ENOX1: variants seen among roughly 807,000 people sequenced by gnomAD.
ENOX1 encodes the protein candidate growth-related and time keeping constitutive hydroquinone (NADH) oxidase.
Under a neutral mutation model 82.5 loss-of-function variants are expected in ENOX1, and 42 were observed. That is an observed-to-expected ratio of 0.51 (90% confidence interval 0.40 to 0.66). The LOEUF is 0.66. Ranked by LOEUF, ENOX1 falls within the 30% of genes least tolerant of loss-of-function variation. The probability of loss-of-function intolerance (pLI) is 0.00; values close to 1 mark genes in which losing one functional copy is unlikely to be tolerated. For missense variants in ENOX1, 608 were observed against 811.6 expected (o/e 0.75, Z 3.05); for synonymous variants, 271 against 282.2 (o/e 0.96, Z 0.40).
intron 1 of ENOX1, among the ~76,000 whole-genome samples, chr13:43,731,373 A>G (rs2089332520): frequency 6.6e-6 from 1 of 152,212 alleles, no homozygotes; most frequent in Admixed American, 6.5e-5. Context: ...TTCCATGGGA[A>G]GAGCTTTGTA....
chr13:43,464,720 G>A (rs2057644203), intron 3 of ENOX1, among the ~76,000 whole-genome samples: 1 of 152,144 alleles, frequency 6.6e-6, no homozygotes, highest in African/African-American at 2.4e-5. Flanking sequence ...TGACAACTAA[G>A]AAGCCAACAT....
chr13:43,578,513 T>C (rs1464384804), intron 2 of ENOX1, among the ~76,000 whole-genome samples: 1 of 152,190 alleles, frequency 6.6e-6, no homozygotes, highest in African/African-American at 2.4e-5. Flanking sequence ...ATACTTAATA[T>C]AATGAAATTT....
intron 2 of ENOX1, among the ~76,000 whole-genome samples, chr13:43,652,347 C>CA (rs2084232773): frequency 6.6e-6 from 1 of 152,286 alleles, no homozygotes; most frequent in South Asian, 2.1e-4. Flanking sequence ...AGTTTTGAGT[C>CA]AATGTCCACA....
Position 43,356,062 on chromosome 13 carries a change from T to A in ENOX1, c.680A>T (p.Glu227Val), listed in dbSNP as rs2050135585. Reference protein sequence around the residue: ...DFAQARDDFYEWECKQRMRAR... With the variant: ...DFAQARDDFYVWECKQRMRAR... ...ACGCATCCTCTGCTTGCATTCCCAC[T>A]CATAGAAGTCATCCCTGGCCTGGGC... Residue 227 changes from glutamate (E) to valine (V), a missense_variant, in exon 8 of 17, where the codon GAG becomes GTG. Transcript: ENST00000690772. 1 of 1,614,128 alleles carries A rather than the reference T, an allele frequency of 6.2e-7. No individual in the cohort carries two copies. The highest frequency in any genetic ancestry group is 8.5e-7 in the Non-Finnish European group (1 of 1,180,014).
intron 2 of ENOX1, among the ~76,000 whole-genome samples, chr13:43,501,210 G>A (rs2076969286): frequency 6.6e-6 from 1 of 151,534 alleles, no homozygotes; most frequent in Non-Finnish European, 1.5e-5. Context: ...ATAAAGCAGG[G>A]GTAGCTATTT....
intron 3 of ENOX1, among the ~76,000 whole-genome samples, chr13:43,464,022 C>T (rs1053307732): frequency 2.6e-5 from 4 of 152,126 alleles, no homozygotes; most frequent in African/African-American, 7.2e-5. Flanking sequence ...TACAGGCACA[C>T]ACACAGGCAA....
chr13:43,463,027 A>G (rs1593323848), intron 3 of ENOX1, among the ~76,000 whole-genome samples: 1 of 152,340 alleles, frequency 6.6e-6, no homozygotes, highest in East Asian at 1.9e-4. Flanking sequence ...AAAGAAGAAA[A>G]TTATTCAGGT....
At chr13:43,425,920 C>T (rs555274811) in intron 3 of ENOX1, among the ~76,000 whole-genome samples, 5 of 152,124 alleles carry the variant, frequency 3.3e-5, no homozygotes, top group Non-Finnish European at 7.4e-5. Flanking sequence ...AAATAACTTG[C>T]AGGCAAATAA....
At chr13:43,661,267 A>G (rs947449225) in intron 2 of ENOX1, among the ~76,000 whole-genome samples, 1 of 152,204 alleles carries the variant, frequency 6.6e-6, no homozygotes, top group African/African-American at 2.4e-5. Flanking sequence ...ACTGACTTTA[A>G]TTGGATGGAT....
intron 2 of ENOX1, among the ~76,000 whole-genome samples, chr13:43,497,747 A>G (rs941746782): frequency 6.6e-5 from 10 of 152,100 alleles, no homozygotes; most frequent in Non-Finnish European, 1.2e-4. Context: ...CAAAGCTCTC[A>G]AACAATGACT....
intron 3 of ENOX1, among the ~76,000 whole-genome samples, chr13:43,415,319 A>G (rs1403191451): frequency 3.1e-5 from 4 of 129,026 alleles, no homozygotes; most frequent in African/African-American, 5.8e-5. Flanking sequence ...GGGTCACAGG[A>G]TAATAGTGGA....
intron 3 of ENOX1, among the ~76,000 whole-genome samples, chr13:43,475,374 T>A (rs888045921): frequency 6.6e-6 from 1 of 152,082 alleles, no homozygotes; most frequent in African/African-American, 2.4e-5. Context: ...GAACTCTATT[T>A]TCTGAGGATT....
At chr13:43,509,775 T>C (rs1395975377) in intron 2 of ENOX1, among the ~76,000 whole-genome samples, 1 of 151,958 alleles carries the variant, frequency 6.6e-6, no homozygotes, top group Non-Finnish European at 1.5e-5. Context: ...ACATCTGAAA[T>C]TCAACAGCAA....
intron 2 of ENOX1, among the ~76,000 whole-genome samples, chr13:43,588,142 TGTTA>T (rs1162692049): frequency 6.6e-6 from 1 of 152,256 alleles, no homozygotes; most frequent in Non-Finnish European, 1.5e-5. Context: ...AGTATATTTC[TGTTA>T]ATTAACATAT....
intron 2 of ENOX1, among the ~76,000 whole-genome samples, chr13:43,611,982 T>C (rs1594091237): frequency 6.6e-6 from 1 of 152,330 alleles, no homozygotes; most frequent in East Asian, 1.9e-4. Context: ...CTTGTTGCAA[T>C]TCAGCAGTTT....
At chr13:43,696,346 C>T (rs560557963) in intron 1 of ENOX1, among the ~76,000 whole-genome samples, 76 of 152,292 alleles carry the variant, frequency 5.0e-4, no homozygotes, top group African/African-American at 1.7e-3. Flanking sequence ...GGTAACTCTA[C>T]GTTTAACCTT....
chr13:43,365,152 T>C (rs1490290120), intron 5 of ENOX1, among the ~76,000 whole-genome samples: 1 of 152,214 alleles, frequency 6.6e-6, no homozygotes, highest in Non-Finnish European at 1.5e-5. Flanking sequence ...AGCCATGCCT[T>C]GCTCCTTTTC....
At chr13:43,348,442 C>T (rs1437921121) in intron 8 of ENOX1, among the ~76,000 whole-genome samples, 4 of 152,220 alleles carry the variant, frequency 2.6e-5, no homozygotes, top group Admixed American at 2.6e-4. Context: ...GTAGTTCCTC[C>T]TTATCCACAG....
chr13:43,463,024 A>G (rs1190963430), intron 3 of ENOX1, among the ~76,000 whole-genome samples: 1 of 152,252 alleles, frequency 6.6e-6, no homozygotes, highest in Non-Finnish European at 1.5e-5. Flanking sequence ...CTCAAAGAAG[A>G]AAATTATTCA....
Sources: gnomAD v4.1 joint callset for allele counts (sites outside exome capture counted in the v4.1 genomes callset) on GRCh38, gnomAD v4.1.1 for gene constraint, MANE v1.5 for transcripts, NCBI Gene and HGNC (gene_info 2026-07-23, HGNC 2026-07-21) for gene names.